The following NAV3 variants were observed in gnomAD, a reference collection of about 807,000 sequenced individuals.
The protein encoded by NAV3 is pore membrane and/or filament interacting like protein 1.
In NAV3, 87 loss-of-function variants were observed where a neutral mutation model predicts 244.7. That is an observed-to-expected ratio of 0.36 (90% CI 0.30 to 0.42). The LOEUF (loss-of-function observed/expected upper bound fraction) is 0.42, where lower values mean the gene tolerates loss of function less well. Among genes scored for constraint, NAV3 ranks in the 20% least tolerant of loss-of-function variants. The pLI is 1.00. For missense variants in NAV3, 2,663 were observed against 2,893.3 expected, an observed-to-expected ratio of 0.92 and a Z score of 1.83; for synonymous variants, 1,126 against 1,042.2, an observed-to-expected ratio of 1.08 and a Z score of -1.55.
intron 2 of NAV3, among the ~76,000 whole-genome samples, chr12:77,787,997 G>A (rs543245710): frequency 2.0e-4 from 30 of 152,272 alleles, no homozygotes; most frequent in African/African-American, 5.5e-4. Flanking sequence ...AAGAGACGGT[G>A]TAGTATAGTG....
rs548358293 is a variant in NAV3 at position 77,709,296 on chromosome 12, C to T, written c.72+137030C>T. ...CTCAATAAATTAGGTATTGATGGGA[C>T]GTATCTCAAAATAATAAGAGCTATT... On this transcript the variant is annotated intron_variant, in intron 2 of 8. Transcript: ENST00000550042. 9.9e-5 allele frequency among the ~76,000 whole-genome samples: 15 copies of T among 152,252 alleles called. No homozygotes were observed. In the East Asian group the frequency reaches 1.9e-3, roughly 20 times the overall value.
At chr12:78,124,533 G>A (rs1271663559) in intron 16 of NAV3, among the ~76,000 whole-genome samples, 2 of 152,006 alleles carry the variant, frequency 1.3e-5, no homozygotes, top group African/African-American at 2.4e-5. Context: ...AGCTCATTGC[G>A]TCCTCTGCTT....
chr12:78,208,499 G>C (rs965386291), intron 39 of NAV3, among the ~76,000 whole-genome samples: 1 of 152,158 alleles, frequency 6.6e-6, no homozygotes, highest in Non-Finnish European at 1.5e-5. Flanking sequence ...GAATTGTGAT[G>C]TATCACGATA....
chr12:77,847,703 G>A (rs1876871884), intron 1 of NAV3, among the ~76,000 whole-genome samples: 2 of 152,110 alleles, frequency 1.3e-5, no homozygotes, highest in South Asian at 2.1e-4. Flanking sequence ...TTGATCAAAT[G>A]GTAGTTAAAT....
At chr12:78,199,027 AAG>A (rs1279760440) in intron 36 of NAV3, 6 of 546,692 alleles carry the variant, frequency 1.1e-5, no homozygotes, top group Middle Eastern at 2.9e-4. Flanking sequence ...GAGAAATGTG[AAG>A]AGAGTTGCTA....
At chr12:77,808,625 G>A (rs1270984265) in intron 2 of NAV3, among the ~76,000 whole-genome samples, 7 of 152,218 alleles carry the variant, frequency 4.6e-5, no homozygotes, top group Non-Finnish European at 1.0e-4. Context: ...CTGCTGGGAG[G>A]TGTCTCCCAG....
At chr12:78,038,339 C>T (rs1880272134) in intron 9 of NAV3, among the ~76,000 whole-genome samples, 1 of 152,144 alleles carries the variant, frequency 6.6e-6, no homozygotes, top group Non-Finnish European at 1.5e-5. Flanking sequence ...TATTGGCCTC[C>T]TTAAGTTGAA....
At chr12:77,893,748 A>G (rs1243852624) in intron 1 of NAV3, among the ~76,000 whole-genome samples, 3 of 152,246 alleles carry the variant, frequency 2.0e-5, no homozygotes. Flanking sequence ...CAGTGACTAC[A>G]GCAACTTCCA....
chr12:77,998,237 T>C (rs1204459018), intron 6 of NAV3, 100 bp from the exon 7 acceptor site: 2 of 828,408 alleles, frequency 2.4e-6, no homozygotes, highest in African/African-American at 3.5e-5. Context: ...AAATAGATTT[T>C]AGAACATCAT....
At chr12:77,829,564 T>C (rs1418387792), upstream of NAV3, among the ~76,000 whole-genome samples, 1 of 152,214 alleles carries the variant, frequency 6.6e-6, no homozygotes, top group African/African-American at 2.4e-5. Flanking sequence ...TTTCTGAAAG[T>C]TATAATGTGT....
At chr12:77,621,717 A>G (rs1465201541) in intron 2 of NAV3, among the ~76,000 whole-genome samples, 2 of 151,944 alleles carry the variant, frequency 1.3e-5, no homozygotes, top group Non-Finnish European at 2.9e-5. Context: ...TGACCTTGCG[A>G]TCCGCCCACC....
chr12:77,889,019 A>G (rs1191812075), intron 1 of NAV3, among the ~76,000 whole-genome samples: 1 of 152,188 alleles, frequency 6.6e-6, no homozygotes, highest in African/African-American at 2.4e-5. Context: ...TGCTGGGCCC[A>G]GCATGATGGT....
intron 1 of NAV3, among the ~76,000 whole-genome samples, chr12:77,862,183 C>A (rs11836458): frequency 2.0e-5 from 3 of 151,172 alleles, no homozygotes; most frequent in African/African-American, 7.3e-5. Flanking sequence ...TTGAAGAGTG[C>A]TGAATAATGT....
chr12:77,669,764 TA>T (rs1326282239), intron 2 of NAV3, among the ~76,000 whole-genome samples: 3 of 152,038 alleles, frequency 2.0e-5, no homozygotes, highest in African/African-American at 7.2e-5. Flanking sequence ...GGGACTTTAA[TA>T]CTCTATTGAC....
chr12:77,706,986 C>T (rs1190428531), intron 2 of NAV3, among the ~76,000 whole-genome samples: 1 of 151,062 alleles, frequency 6.6e-6, no homozygotes, highest in Non-Finnish European at 1.5e-5. Flanking sequence ...GGGCTGTTTT[C>T]CTTTCTCTTG....
chr12:77,976,879 A>T (rs768852137), intron 5 of NAV3, among the ~76,000 whole-genome samples: 1 of 151,754 alleles, frequency 6.6e-6, no homozygotes, highest in Non-Finnish European at 1.5e-5. Flanking sequence ...GGGTTTCACC[A>T]TGTTGGCAAG....
At chr12:78,063,076 T>C (rs1489546767) in intron 12 of NAV3, among the ~76,000 whole-genome samples, 1 of 152,142 alleles carries the variant, frequency 6.6e-6, no homozygotes, top group Non-Finnish European at 1.5e-5. Context: ...TAAAATGTGA[T>C]GGACATTAGA....
chr12:78,120,450 T>C (rs1267178460), intron 15 of NAV3, among the ~76,000 whole-genome samples: 2 of 152,208 alleles, frequency 1.3e-5, no homozygotes, highest in East Asian at 3.9e-4. Context: ...TTATACAGTG[T>C]CATATCTTGA....
chr12:77,983,227 G>C (rs1374305539), intron 5 of NAV3, among the ~76,000 whole-genome samples: 1 of 152,126 alleles, frequency 6.6e-6, no homozygotes, highest in Non-Finnish European at 1.5e-5. Flanking sequence ...CTGGTGACAG[G>C]GTAGAGAAAG....
Sources: gnomAD v4.1 joint callset for allele counts (sites outside exome capture counted in the v4.1 genomes callset) on GRCh38, gnomAD v4.1.1 for gene constraint, MANE v1.5 for transcripts, NCBI Gene and HGNC (gene_info 2026-07-23, HGNC 2026-07-21) for gene names.